Variants in NRCAM observed in about 807,000 individuals in gnomAD.
NRCAM encodes NgCAM-related cell adhesion molecule.
In NRCAM, 83 loss-of-function variants were observed where a neutral mutation model predicts 156.5. The ratio of observed to expected loss-of-function variants is 0.53; its 90% CI spans 0.44 to 0.64. The LOEUF (loss-of-function observed/expected upper bound fraction) is 0.64. Ranked by LOEUF, NRCAM falls within the 30% of genes least tolerant of loss-of-function variation. The pLI, the probability that NRCAM is intolerant of heterozygous loss-of-function variation, is 0.00. For synonymous variants in NRCAM, 538 were observed against 563.9 expected, an observed-to-expected ratio of 0.95 and a Z score of 0.65; for missense variants, 1,417 against 1,597.3, an observed-to-expected ratio of 0.89 and a Z score of 1.92.
intron 3 of NRCAM, among the ~76,000 whole-genome samples, chr7:108,300,781 A>T (rs1340952928): frequency 6.6e-6 from 1 of 152,136 alleles, no homozygotes; most frequent in African/African-American, 2.4e-5. Context: ...CTTAAGAGAA[A>T]CTCAATCTTA....
At chr7:108,327,395 C>T (rs2267883) in intron 2 of NRCAM, among the ~76,000 whole-genome samples, 84,742 of 152,024 alleles carry the variant, frequency 0.56, 24,024 homozygotes, top group Non-Finnish European at 0.61. Flanking sequence ...GATTTTGTTA[C>T]TGTTCATCAA....
chr7:108,243,211 C>G (rs1442114481), intron 3 of NRCAM: 5 of 152,170 alleles, frequency 3.3e-5, no homozygotes, highest in Non-Finnish European at 5.9e-5. Flanking sequence ...ATGGTCCAGC[C>G]CGTCCTCTGG....
At chr7:108,236,501 T>C (rs976486156) in intron 5 of NRCAM, among the ~76,000 whole-genome samples, 8 of 152,122 alleles carry the variant, frequency 5.3e-5, no homozygotes, top group African/African-American at 1.9e-4. Context: ...TGTTAAGCAC[T>C]AGTCTGTTTC....
chr7:108,183,283 A>C (rs989546989), intron 22 of NRCAM, among the ~76,000 whole-genome samples: 1 of 95,374 alleles, frequency 1.0e-5, no homozygotes, highest in South Asian at 4.1e-4. Context: ...TTTTATTTGC[A>C]GATGGAAACT....
chr7:108,199,417 C>T (rs918926400), intron 13 of NRCAM, among the ~76,000 whole-genome samples: 1 of 152,180 alleles, frequency 6.6e-6, no homozygotes, highest in Admixed American at 6.5e-5. Flanking sequence ...CTTAGAACAA[C>T]ACAAATTTAC....
At chr7:108,218,339 G>A (rs990041120) in intron 11 of NRCAM, among the ~76,000 whole-genome samples, 4 of 152,120 alleles carry the variant, frequency 2.6e-5, no homozygotes, top group African/African-American at 4.8e-5. Flanking sequence ...CTTCTGCATC[G>A]ATCTTGCTGG....
chr7:108,264,908 C>A (rs1199122622), intron 3 of NRCAM, among the ~76,000 whole-genome samples: 1 of 152,058 alleles, frequency 6.6e-6, no homozygotes, highest in African/African-American at 2.4e-5. Flanking sequence ...CTCTTCCCTC[C>A]AACAGCAGAT....
chr7:108,367,263 T>C (rs1218426379), intron 2 of NRCAM, among the ~76,000 whole-genome samples: 1 of 152,180 alleles, frequency 6.6e-6, no homozygotes, highest in Non-Finnish European at 1.5e-5. Context: ...CTGCTAAAAC[T>C]CTAAGTTCAT....
At chr7:108,438,978 C>A (rs180735757) in intron 1 of NRCAM, among the ~76,000 whole-genome samples, 6 of 152,090 alleles carry the variant, frequency 3.9e-5, no homozygotes, top group African/African-American at 1.4e-4. Flanking sequence ...TGAAGAAAAT[C>A]TAAATAAATA....
At chr7:108,412,933 T>G (rs576375351) in intron 1 of NRCAM, among the ~76,000 whole-genome samples, 7 of 152,348 alleles carry the variant, frequency 4.6e-5, no homozygotes, top group Non-Finnish European at 8.8e-5. Flanking sequence ...GCATTTTCTT[T>G]ATCCATTCAT....
intron 3 of NRCAM, among the ~76,000 whole-genome samples, chr7:108,310,423 G>A (rs1233599573): frequency 2.0e-5 from 3 of 152,154 alleles, no homozygotes; most frequent in Non-Finnish European, 4.4e-5. Flanking sequence ...AATGGCAAAC[G>A]TGAGCAGTTT....
intron 2 of NRCAM, among the ~76,000 whole-genome samples, chr7:108,381,425 T>C (rs1412042057): frequency 6.6e-6 from 1 of 152,188 alleles, no homozygotes; most frequent in Non-Finnish European, 1.5e-5. Flanking sequence ...ATTTTGAGTA[T>C]TGCTGTGATC....
intron 2 of NRCAM, among the ~76,000 whole-genome samples, chr7:108,326,976 C>A (rs905988109): frequency 6.6e-6 from 1 of 152,154 alleles, no homozygotes; most frequent in Non-Finnish European, 1.5e-5. Context: ...ATTTTGGTAT[C>A]TTTCTCCCTT....
At chr7:108,387,328 C>A (rs371716186) in intron 2 of NRCAM, among the ~76,000 whole-genome samples, 1 of 152,014 alleles carries the variant, frequency 6.6e-6, no homozygotes, top group African/African-American at 2.4e-5. Flanking sequence ...CCATATTCTA[C>A]CAAAGGAAAT....
At position 108,423,713 on chromosome 7, in the gene NRCAM, C is replaced by T. The variant is rs552636284; in HGVS notation, c.-331-24120G>A. 9.8e-5 allele frequency among the ~76,000 whole-genome samples: 15 copies of T among 152,318 alleles called. No homozygotes were observed. In the South Asian group the frequency reaches 3.1e-3, roughly 32 times the overall value. On this transcript the variant is annotated intron_variant, in intron 1 of 32. Transcript: ENST00000379028. ...TGCTAAAACATATTACACTTCATGA[C>T]CTTCTTAAACAGAATCTGACCTGTT...
intron 3 of NRCAM, among the ~76,000 whole-genome samples, chr7:108,257,154 T>C (rs984853779): frequency 6.6e-6 from 1 of 151,638 alleles, no homozygotes; most frequent in East Asian, 1.9e-4. Flanking sequence ...GGCAAAACTA[T>C]AGAATCAGAG....
intron 1 of NRCAM, among the ~76,000 whole-genome samples, chr7:108,433,824 A>G (rs1339950919): frequency 3.9e-5 from 6 of 152,222 alleles, no homozygotes; most frequent in Admixed American, 1.3e-4. Context: ...TCTTTACTTT[A>G]TAAATTACCC....
At chr7:108,333,920 T>A (rs1365503330) in intron 2 of NRCAM, among the ~76,000 whole-genome samples, 1 of 152,198 alleles carries the variant, frequency 6.6e-6, no homozygotes, top group African/African-American at 2.4e-5. Flanking sequence ...AGGCTTTCCT[T>A]ACAGTTCTTG....
chr7:108,433,597 C>T (rs1032467887), intron 1 of NRCAM, among the ~76,000 whole-genome samples: 12 of 152,156 alleles, frequency 7.9e-5, no homozygotes, highest in Admixed American at 6.5e-4. Flanking sequence ...GATGACTTTT[C>T]ACTGTATTAG....
Sources: allele counts gnomAD v4.1 joint callset (sites outside exome capture counted in the v4.1 genomes callset), GRCh38; gene constraint gnomAD v4.1.1; transcripts MANE v1.5; gene names NCBI Gene and HGNC (gene_info 2026-07-23, HGNC 2026-07-21).